The following LTBP1 variants were observed in gnomAD, a reference collection of about 807,000 sequenced individuals.
LTBP1 encodes latent transforming growth factor beta binding protein 1, also known as latent-transforming growth factor beta-binding protein 1.
In LTBP1, 129 loss-of-function variants were observed where a neutral mutation model predicts 207.6. The ratio of observed to expected loss-of-function variants is 0.62; its 90% CI spans 0.54 to 0.72. LTBP1 has a LOEUF of 0.72. Ranked by LOEUF, LTBP1 falls within the 30% of genes least tolerant of loss-of-function variation. The pLI is 0.00. For synonymous variants in LTBP1, 963 were observed against 833.7 expected (o/e 1.16, Z -2.67); for missense variants, 2,281 against 2,217.2 (o/e 1.03, Z -0.58).
rs140474397 is a variant in LTBP1, at chr2:33,259,464, G to A, written c.2396-124G>A. 96 of 631,714 alleles carry A rather than the reference G, an allele frequency of 1.5e-4. No homozygotes were observed. In the East Asian group the frequency reaches 2.7e-3, roughly 18 times the overall value. 39.1% of individuals were successfully genotyped at this position (631,714 alleles called of 1,614,324 possible). A position where few individuals can be genotyped will look rare whatever the true frequency, so the allele number is the denominator to read the frequency against. On this transcript the variant is annotated intron_variant, in intron 12 of 33. Transcript: ENST00000404816. ...GGCAGATGATCCTAATTCTGCATTT[G>A]CTTTAGTCTGATTCTTAATCCTTTT...
chr2:33,017,355 T>A (rs909017071), intron 2 of LTBP1, among the ~76,000 whole-genome samples: 3 of 152,320 alleles, frequency 2.0e-5, no homozygotes, highest in Non-Finnish European at 4.4e-5. Context: ...TGTGTGTCAG[T>A]GATTCTCAAA....
chr2:33,108,224 G>T lies in LTBP1; in HGVS notation c.864-2358G>T, dbSNP rs140066206. 7.9e-3 allele frequency among the ~76,000 whole-genome samples: 1,205 copies of T among 152,060 alleles called. 11 individuals carry two copies. The highest frequency in any genetic ancestry group is 0.01 in the Middle Eastern group (3 of 294). On this transcript the variant is annotated intron_variant, in intron 3 of 33. Coordinates refer to ENST00000404816, the MANE Select transcript of LTBP1 (RefSeq NM_206943.4). ...GTCCGTGGCCTTGCTTCTGTCTCTG[G>T]GGGGCTGTGGGGCAGAGGGGCATCA...
chr2:33,312,678 C>T (rs1483265427), intron 23 of LTBP1, among the ~76,000 whole-genome samples: 1 of 149,928 alleles, frequency 6.7e-6, no homozygotes, highest in African/African-American at 2.5e-5. Context: ...TTAGCAGTTT[C>T]CTGGAAAAAA....
At chr2:32,955,142 C>G (rs527539168) in intron 2 of LTBP1, among the ~76,000 whole-genome samples, 29 of 152,304 alleles carry the variant, frequency 1.9e-4, no homozygotes, top group African/African-American at 6.3e-4. Context: ...AGAAACTGAT[C>G]TGGAAGGAAC....
At chr2:33,201,261 A>G (rs567376788) in intron 7 of LTBP1, among the ~76,000 whole-genome samples, 1 of 152,224 alleles carries the variant, frequency 6.6e-6, no homozygotes, top group African/African-American at 2.4e-5. Context: ...GATTAAGAAA[A>G]TGTGGCACAT....
chr2:32,966,072 C>T (rs936448596), intron 2 of LTBP1, among the ~76,000 whole-genome samples: 13 of 152,050 alleles, frequency 8.5e-5, no homozygotes, highest in Non-Finnish European at 1.5e-4. Context: ...TTTGCAGTTC[C>T]CTAATAAATA....
chr2:33,302,716 A>AGGTGAT (rs2094008496), intron 22 of LTBP1, among the ~76,000 whole-genome samples: 1 of 151,420 alleles, frequency 6.6e-6, no homozygotes, highest in African/African-American at 2.5e-5. Context: ...TTTTATCCTA[A>AGGTGAT]GGTGATCATG....
At chr2:33,085,784 A>G (rs1572563867) in intron 3 of LTBP1, among the ~76,000 whole-genome samples, 1 of 152,234 alleles carries the variant, frequency 6.6e-6, no homozygotes, top group African/African-American at 2.4e-5. Context: ...TGGGTTGGGA[A>G]GATAAACCAC....
At chr2:33,220,938 C>A (rs2091062888) in intron 8 of LTBP1, among the ~76,000 whole-genome samples, 1 of 152,206 alleles carries the variant, frequency 6.6e-6, no homozygotes, top group African/African-American at 2.4e-5. Context: ...TACATATTCA[C>A]CCTGTTCCTT....
chr2:33,230,454 T>A (rs1339059693), intron 9 of LTBP1, among the ~76,000 whole-genome samples: 5 of 152,174 alleles, frequency 3.3e-5, no homozygotes, highest in Non-Finnish European at 5.9e-5. Flanking sequence ...AAAACAGCCT[T>A]GCTACTCTCA....
chr2:33,361,171 A>C (rs942449252), intron 27 of LTBP1, among the ~76,000 whole-genome samples: 7 of 152,228 alleles, frequency 4.6e-5, no homozygotes, highest in Non-Finnish European at 8.8e-5. Flanking sequence ...GTGGAAAAAT[A>C]ATAGTTATAA....
chr2:32,961,626 C>T (rs1220421867), intron 2 of LTBP1, among the ~76,000 whole-genome samples: 1 of 152,068 alleles, frequency 6.6e-6, no homozygotes, highest in African/African-American at 2.4e-5. Flanking sequence ...TGGTAAAGAT[C>T]AAGTCAAATG....
intron 5 of LTBP1, among the ~76,000 whole-genome samples, chr2:33,153,855 C>T (rs527986269): frequency 1.1e-3 from 136 of 125,098 alleles, no homozygotes; most frequent in Admixed American, 3.4e-3. Context: ...CAGAGATCCA[C>T]CCGGCTCCGT....
At chr2:33,269,056 CTT>C (rs576960280) in intron 15 of LTBP1, among the ~76,000 whole-genome samples, 43 of 152,308 alleles carry the variant, frequency 2.8e-4, no homozygotes, top group African/African-American at 1.0e-3. Flanking sequence ...AAAATGAACT[CTT>C]TTATTTCCAT....
At chr2:33,302,950 TACACACACACACACACAC>T (rs70938396) in intron 22 of LTBP1, among the ~76,000 whole-genome samples, 3 of 144,900 alleles carry the variant, frequency 2.1e-5, no homozygotes, top group Non-Finnish European at 3.1e-5. Context: ...CTAATATTTT[TACACACACACACACACAC>T]ACACACACAC....
intron 5 of LTBP1, among the ~76,000 whole-genome samples, chr2:33,175,899 G>T (rs557989627): frequency 8.0e-6 from 1 of 124,250 alleles, no homozygotes; most frequent in East Asian, 2.3e-4. Context: ...GTAAACGATC[G>T]CAAGAACAGA....
At chr2:33,035,899 C>T (rs2075896864) in intron 3 of LTBP1, among the ~76,000 whole-genome samples, 1 of 152,210 alleles carries the variant, frequency 6.6e-6, no homozygotes. Context: ...ACACTGTTGT[C>T]ATTATCTTAG....
chr2:32,977,474 G>T (rs575696215), intron 2 of LTBP1, among the ~76,000 whole-genome samples: 1 of 152,312 alleles, frequency 6.6e-6, no homozygotes. Flanking sequence ...CAATCTTATT[G>T]CTTCCAGGCA....
chr2:33,335,472 G>A (rs1471269176), intron 24 of LTBP1, among the ~76,000 whole-genome samples: 3 of 152,136 alleles, frequency 2.0e-5, no homozygotes, highest in Non-Finnish European at 4.4e-5. Context: ...ATATTCCCCA[G>A]CCTTGTCGAT....
Sources: gnomAD v4.1 joint callset for allele counts (sites outside exome capture counted in the v4.1 genomes callset) on GRCh38, gnomAD v4.1.1 for gene constraint, MANE v1.5 for transcripts, NCBI Gene and HGNC (gene_info 2026-07-23, HGNC 2026-07-21) for gene names.